Variants in TMC1 observed in about 807,000 individuals in gnomAD.
TMC1 encodes the protein transmembrane channel like 1.
TMC1 carries 84 observed loss-of-function variants against 105.8 expected under a neutral mutation model. The observed-to-expected ratio is 0.79, with a 90% confidence interval of 0.67 to 0.95. TMC1 has a LOEUF of 0.95. Ranked by LOEUF, TMC1 falls within the 40% of genes least tolerant of loss-of-function variation. TMC1 has a pLI of 0.00. For synonymous variants in TMC1, 315 were observed against 311.5 expected, an observed-to-expected ratio of 1.01 and a Z score of -0.12; for missense variants, 817 against 914.1, an observed-to-expected ratio of 0.89 and a Z score of 1.37.
intron 11 of TMC1, among the ~76,000 whole-genome samples, 188 bp downstream of exon 11, chr9:72,752,144 G>T (rs1446772106): frequency 1.3e-5 from 2 of 152,150 alleles, no homozygotes; most frequent in Admixed American, 1.3e-4. Flanking sequence ...ACTAAAGGGG[G>T]TGTAAGCCTC....
chr9:72,794,295 C>T (rs1414123886), intron 17 of TMC1, among the ~76,000 whole-genome samples: 2 of 152,142 alleles, frequency 1.3e-5, no homozygotes, highest in African/African-American at 4.8e-5. Flanking sequence ...CTGAGATTGC[C>T]CCAGAGCTGA....
At chr9:72,769,592 T>C (rs1827892368) in intron 12 of TMC1, among the ~76,000 whole-genome samples, 1 of 152,206 alleles carries the variant, frequency 6.6e-6, no homozygotes, top group East Asian at 1.9e-4. Flanking sequence ...GGGAGTGTTA[T>C]GTTAATGGGT....
intron 1 of TMC1, among the ~76,000 whole-genome samples, chr9:72,559,457 A>C (rs770549455): frequency 2.0e-5 from 3 of 152,030 alleles, no homozygotes; most frequent in Non-Finnish European, 2.9e-5. Context: ...ACCGATGCCC[A>C]TAATCTTTAG....
chr9:72,576,918 C>T (rs773307915), intron 1 of TMC1, among the ~76,000 whole-genome samples: 3 of 151,478 alleles, frequency 2.0e-5, no homozygotes, highest in African/African-American at 7.3e-5. Context: ...CATGAGCCAC[C>T]GCGCCCGGTG....
chr9:72,750,345 C>A (rs1036469313), intron 10 of TMC1, among the ~76,000 whole-genome samples: 1 of 152,212 alleles, frequency 6.6e-6, no homozygotes, highest in Admixed American at 6.5e-5. Flanking sequence ...TGGGCTGATG[C>A]AGCCAGGGAC....
At chr9:72,648,765 C>T (rs1426785090) in intron 5 of TMC1, 101 bp downstream of exon 5, 2 of 1,038,450 alleles carry the variant, frequency 1.9e-6, no homozygotes, top group African/African-American at 1.6e-5. Flanking sequence ...TTTTTGTTCC[C>T]TCTTTTGGGG....
intron 8 of TMC1, 142 bp from the exon 9 acceptor site, chr9:72,739,977 T>C: frequency 1.6e-6 from 1 of 637,520 alleles, no homozygotes. Flanking sequence ...TTCTAGGTTA[T>C]GAAATACAGT....
intron 8 of TMC1, among the ~76,000 whole-genome samples, chr9:72,730,082 A>T (rs1796985): frequency 5.3e-5 from 8 of 151,964 alleles, no homozygotes; most frequent in African/African-American, 1.9e-4. Flanking sequence ...TTTTGATTAC[A>T]AAGACTACAA....
At chr9:72,719,718 C>T (rs1826987000) in intron 8 of TMC1, among the ~76,000 whole-genome samples, 1 of 152,188 alleles carries the variant, frequency 6.6e-6, no homozygotes, top group Non-Finnish European at 1.5e-5. Flanking sequence ...CTCCTATCTG[C>T]CATTTTTTCC....
chr9:72,814,347 G>C (rs559393310), intron 18 of TMC1, among the ~76,000 whole-genome samples: 8 of 152,160 alleles, frequency 5.3e-5, no homozygotes, highest in Non-Finnish European at 1.2e-4. Flanking sequence ...AAGACTCAGA[G>C]TTAATGTTCT....
chr9:72,686,605 T>G lies in TMC1; in HGVS notation c.17-2104T>G, dbSNP rs1224846086. Among the ~76,000 whole-genome samples, 20 of 152,232 alleles carry G rather than the reference T, an allele frequency of 1.3e-4. 1 individual carries two copies. ...CATAGTGCTGCTATTTGGTTCTTGATGCTTATGACACCTTTGCTGAGGGTT... is the reference window on the plus strand; with the variant it reads ...CATAGTGCTGCTATTTGGTTCTTGAGGCTTATGACACCTTTGCTGAGGGTT... On this transcript the variant is annotated intron_variant, in intron 5 of 23. Coordinates refer to ENST00000297784, the MANE Select transcript of TMC1 (RefSeq NM_138691.3).
At chr9:72,598,928 G>C (rs7869474) in intron 2 of TMC1, among the ~76,000 whole-genome samples, 3,259 of 152,244 alleles carry the variant, frequency 0.021, 133 homozygotes, top group African/African-American at 0.074. Flanking sequence ...CTTACTATTA[G>C]ACCAGCAGAG....
At chr9:72,803,134 A>G (rs1828505170) in intron 17 of TMC1, among the ~76,000 whole-genome samples, 1 of 152,240 alleles carries the variant, frequency 6.6e-6, no homozygotes, top group African/African-American at 2.4e-5. Context: ...CAATGGGGAA[A>G]GGATTCGCTA....
At position 72,772,492 on chromosome 9, in the gene TMC1, C is replaced by T. The variant is rs755694066; in HGVS notation, c.821C>T (p.Pro274Leu). 9.9e-6 allele frequency: 16 copies of T among 1,613,844 alleles called. No homozygotes were observed. The highest frequency in any genetic ancestry group is 2.2e-5 in the East Asian group (1 of 44,870). Residue 274 changes from proline to leucine, a missense_variant, in exon 13 of 24, where the codon CCG (proline) becomes CTG (leucine). Physicochemically the swap from Pro to Leu is moderately conservative, Grantham distance 98 (BLOSUM62 -3). Coordinates refer to ENST00000297784, the MANE Select transcript of TMC1 (RefSeq NM_138691.3). ...RTIGWMNFRLPLSYFLVGIMC... is the reference protein window; with the variant it reads ...RTIGWMNFRLLLSYFLVGIMC... ...ATTGGATGGATGAATTTCAGGTTGCCGCTCTCCTATTTTCTAGTGGGGATT... is the reference window on the plus strand; with the variant it reads ...ATTGGATGGATGAATTTCAGGTTGCTGCTCTCCTATTTTCTAGTGGGGATT...
rs531142730 is a variant in TMC1, at chr9:72,572,201, A to AT, written c.-427-5688dup. On this transcript the variant is annotated intron_variant, in intron 1 of 23. Transcript: ENST00000297784. ...TCTCTTTATCTCACTTTATTTTTTG[A>AT]TTTTTTTTTTTTTAAACCAGGATCT... Among the ~76,000 whole-genome samples, 427 of 134,904 alleles carry AT rather than the reference A, an allele frequency of 3.2e-3. 5 individuals are homozygous for AT. The highest frequency in any genetic ancestry group is 9.2e-3 in the African/African-American group (335 of 36,578). 88.5% of individuals were successfully genotyped at this position (134,904 alleles called of 152,430 possible).
At chr9:72,779,186 C>T (rs563022458) in intron 13 of TMC1, among the ~76,000 whole-genome samples, 1 of 152,342 alleles carries the variant, frequency 6.6e-6, no homozygotes, top group South Asian at 2.1e-4. Flanking sequence ...GAGCTGAGCC[C>T]AGGTCCCCTG....
At chr9:72,814,039 A>G (rs1331003452) in intron 18 of TMC1, among the ~76,000 whole-genome samples, 2 of 152,194 alleles carry the variant, frequency 1.3e-5, no homozygotes, top group Non-Finnish European at 2.9e-5. Context: ...AAAATGTCTC[A>G]TCTCTAATGA....
At chr9:72,757,474 G>T (rs1471553484) in intron 12 of TMC1, among the ~76,000 whole-genome samples, 3 of 152,186 alleles carry the variant, frequency 2.0e-5, no homozygotes, top group Admixed American at 1.3e-4. Context: ...TATCCAAAAT[G>T]CTTGAGACCA....
chr9:72,803,403 G>A (rs567132496), intron 17 of TMC1, among the ~76,000 whole-genome samples: 1 of 152,238 alleles, frequency 6.6e-6, no homozygotes, highest in Non-Finnish European at 1.5e-5. Context: ...AAACTAAAGA[G>A]CTTCTGTACA....
Sources: allele counts gnomAD v4.1 joint callset (sites outside exome capture counted in the v4.1 genomes callset), GRCh38; gene constraint gnomAD v4.1.1; transcripts MANE v1.5; gene names NCBI Gene and HGNC (gene_info 2026-07-23, HGNC 2026-07-21).